Variants in ADGRB3 observed in about 807,000 individuals in gnomAD.
The protein encoded by ADGRB3 is adhesion G protein-coupled receptor B3.
Under a neutral mutation model 193.4 loss-of-function variants are expected in ADGRB3, and 37 were observed. The ratio of observed to expected loss-of-function variants is 0.19; its 90% CI spans 0.15 to 0.25. The LOEUF is 0.25. Among genes scored for constraint, ADGRB3 ranks in the 10% least tolerant of loss-of-function variants. The probability of loss-of-function intolerance (pLI) is 1.00; values close to 1 mark genes in which losing one functional copy is unlikely to be tolerated. For missense variants in ADGRB3, 1,637 were observed against 1,852.9 expected (o/e 0.88, Z 2.14); for synonymous variants, 690 against 644.2 (o/e 1.07, Z -1.08).
intron 20 of ADGRB3, among the ~76,000 whole-genome samples, chr6:69,259,408 A>C (rs1766861910): frequency 6.6e-6 from 1 of 152,208 alleles, no homozygotes; most frequent in South Asian, 2.1e-4. Flanking sequence ...TAAAACTTCT[A>C]AAATGGGCTG....
chr6:68,977,253 A>C (rs1467656743), intron 10 of ADGRB3, among the ~76,000 whole-genome samples: 1 of 151,820 alleles, frequency 6.6e-6, no homozygotes, highest in Non-Finnish European at 1.5e-5. Flanking sequence ...TCAGACCATT[A>C]TATTTCAAAA....
At chr6:68,855,700 C>G (rs1764968396) in intron 3 of ADGRB3, among the ~76,000 whole-genome samples, 1 of 151,906 alleles carries the variant, frequency 6.6e-6, no homozygotes, top group African/African-American at 2.4e-5. Flanking sequence ...TTGTATTGCC[C>G]AATATTAAGA....
At chr6:69,326,012 C>T (rs1053536944) in intron 21 of ADGRB3, among the ~76,000 whole-genome samples, 20 of 152,036 alleles carry the variant, frequency 1.3e-4, no homozygotes, top group South Asian at 6.2e-4. Flanking sequence ...TACCTGAGCG[C>T]GGGTGGACTA....
At chr6:69,160,162 C>A (rs1180036994) in intron 17 of ADGRB3, among the ~76,000 whole-genome samples, 1 of 152,134 alleles carries the variant, frequency 6.6e-6, no homozygotes, top group Non-Finnish European at 1.5e-5. Flanking sequence ...CATAACATAT[C>A]AACCAGAGTG....
chr6:69,143,808 G>C (rs1257315271), intron 17 of ADGRB3, among the ~76,000 whole-genome samples: 1 of 152,080 alleles, frequency 6.6e-6, no homozygotes. Context: ...TTTGAAGTCA[G>C]GTAATGTGAT....
Position 68,779,672 on chromosome 6 carries a change from A to T in ADGRB3, c.757+140240A>T, listed in dbSNP as rs143159709. ...CCAAATTAATCTAGGCTAATCACAG[A>T]CATTAAACATTAGGTGTTATTTTTT... On this transcript the variant is annotated intron_variant, in intron 3 of 31. Coordinates refer to ENST00000370598, the MANE Select transcript of ADGRB3 (RefSeq NM_001704.3). Among the ~76,000 whole-genome samples, 560 of 152,074 alleles carry T rather than the reference A, an allele frequency of 3.7e-3. 5 individuals are homozygous for T. The highest frequency in any genetic ancestry group is 0.013 in the African/African-American group (541 of 41,424).
At chr6:69,364,740 T>C (rs1769532701) in intron 29 of ADGRB3, among the ~76,000 whole-genome samples, 2 of 149,262 alleles carry the variant, frequency 1.3e-5, no homozygotes, top group Non-Finnish European at 2.9e-5. Flanking sequence ...ACTGCTTTGC[T>C]TAAGGTTAAG....
chr6:68,943,308 T>C (rs1433319866), intron 5 of ADGRB3, among the ~76,000 whole-genome samples: 1 of 152,184 alleles, frequency 6.6e-6, no homozygotes, highest in African/African-American at 2.4e-5. Context: ...ATCTATTTTC[T>C]AAAATGTGAT....
At chr6:69,341,429 T>C (rs1189376028) in intron 26 of ADGRB3, among the ~76,000 whole-genome samples, 1 of 152,206 alleles carries the variant, frequency 6.6e-6, no homozygotes, top group African/African-American at 2.4e-5. Flanking sequence ...GATACAGATG[T>C]CCATAATAAA....
At chr6:69,199,665 G>A (rs73467798) in intron 17 of ADGRB3, among the ~76,000 whole-genome samples, 1,865 of 152,166 alleles carry the variant, frequency 0.012, 46 homozygotes, top group African/African-American at 0.04. Context: ...TATTGCAACA[G>A]AAGCCATAAA....
chr6:68,813,594 T>C (rs1767563047), intron 3 of ADGRB3, among the ~76,000 whole-genome samples: 1 of 151,930 alleles, frequency 6.6e-6, no homozygotes, highest in Non-Finnish European at 1.5e-5. Context: ...TTAGGGTACA[T>C]GTGCACAACG....
chr6:68,717,376 T>C (rs1765506275), intron 3 of ADGRB3, among the ~76,000 whole-genome samples: 1 of 151,746 alleles, frequency 6.6e-6, no homozygotes, highest in South Asian at 2.1e-4. Flanking sequence ...TTAAAAACGA[T>C]ATGTTTTAGA....
At chr6:68,914,347 G>T (rs566947500) in intron 3 of ADGRB3, among the ~76,000 whole-genome samples, 1 of 152,108 alleles carries the variant, frequency 6.6e-6, no homozygotes, top group Non-Finnish European at 1.5e-5. Context: ...CGGATCTCTC[G>T]GCAGAAACTC....
chr6:68,837,760 T>A (rs2127386190), intron 3 of ADGRB3, among the ~76,000 whole-genome samples: 1 of 152,320 alleles, frequency 6.6e-6, no homozygotes, highest in African/African-American at 2.4e-5. Flanking sequence ...TCATGGTTTC[T>A]GAAGGCCAAG....
At chr6:68,658,993 T>C (rs1768557432) in intron 3 of ADGRB3, among the ~76,000 whole-genome samples, 1 of 151,084 alleles carries the variant, frequency 6.6e-6, no homozygotes, top group Admixed American at 6.6e-5. Flanking sequence ...GAAAGAGAGG[T>C]GAAAAGTTCA....
chr6:69,230,528 A>G (rs890693540), intron 17 of ADGRB3, among the ~76,000 whole-genome samples: 56 of 152,216 alleles, frequency 3.7e-4, no homozygotes, highest in South Asian at 4.1e-4. Flanking sequence ...TTTTTACAGT[A>G]GGAATAAGCT....
At chr6:68,837,850 G>T (rs1006780811) in intron 3 of ADGRB3, among the ~76,000 whole-genome samples, 2 of 152,288 alleles carry the variant, frequency 1.3e-5, no homozygotes, top group Admixed American at 6.5e-5. Flanking sequence ...GAATCCTGCT[G>T]TCTATGGATT....
intron 17 of ADGRB3, among the ~76,000 whole-genome samples, chr6:69,092,430 G>A (rs547386087): frequency 3.3e-5 from 5 of 152,262 alleles, no homozygotes; most frequent in Admixed American, 6.5e-5. Context: ...TAGAAATTGA[G>A]ACTCAAGTTT....
chr6:69,207,137 C>T (rs1220608161), intron 17 of ADGRB3, among the ~76,000 whole-genome samples: 1 of 152,162 alleles, frequency 6.6e-6, no homozygotes, highest in African/African-American at 2.4e-5. Context: ...AAAGTCTTAA[C>T]TTCCAGTCTA....
Sources: gnomAD v4.1 joint callset for allele counts (sites outside exome capture counted in the v4.1 genomes callset) on GRCh38, gnomAD v4.1.1 for gene constraint, MANE v1.5 for transcripts, NCBI Gene and HGNC (gene_info 2026-07-23, HGNC 2026-07-21) for gene names.